Variants in CTNND2 observed in about 807,000 individuals in gnomAD.
CTNND2 encodes catenin delta 2.
CTNND2 carries 22 observed loss-of-function variants against 144.4 expected under a neutral mutation model. That is an observed-to-expected ratio of 0.15 (90% CI 0.11 to 0.22). The LOEUF (loss-of-function observed/expected upper bound fraction) is 0.22. CTNND2 is among the 10% of genes least tolerant of loss of function. The probability of loss-of-function intolerance (pLI) is 1.00; values close to 1 mark genes in which losing one functional copy is unlikely to be tolerated. For missense variants in CTNND2, 1,353 were observed against 1,618.8 expected, an observed-to-expected ratio of 0.84 and a Z score of 2.82; for synonymous variants, 751 against 695.6, an observed-to-expected ratio of 1.08 and a Z score of -1.25.
intron 3 of CTNND2, among the ~76,000 whole-genome samples, chr5:11,485,374 T>TGTGTGTGC (rs1191824518): frequency 1.6e-4 from 22 of 140,616 alleles, no homozygotes; most frequent in African/African-American, 4.4e-4. Flanking sequence ...TGTGTGTGTG[T>TGTGTGTGC]GCGCGCGCGC....
rs376821573 is a variant in CTNND2 at position 11,686,714 on chromosome 5, C to T, written c.174+45422G>A. On this transcript the variant is annotated intron_variant, in intron 2 of 21. Coordinates refer to ENST00000304623, the MANE Select transcript of CTNND2 (RefSeq NM_001332.4). ...ATATACTTTATTAATGGAAGTAATGCATATATAATTTTTTAACATCATGTT... is the reference window on the plus strand; with the variant it reads ...ATATACTTTATTAATGGAAGTAATGTATATATAATTTTTTAACATCATGTT... 2.7e-5 allele frequency among the ~76,000 whole-genome samples: 4 copies of T among 149,826 alleles called. No individual in the cohort carries two copies. The East Asian group carries it at 7.8e-4, about 29-fold the overall frequency.
At chr5:11,659,435 A>G (rs545493254) in intron 2 of CTNND2, among the ~76,000 whole-genome samples, 1 of 152,136 alleles carries the variant, frequency 6.6e-6, no homozygotes, top group Non-Finnish European at 1.5e-5. Flanking sequence ...TAACTCCTAT[A>G]GAAGAATAAG....
chr5:11,376,041 C>T (rs1207032082), intron 7 of CTNND2, among the ~76,000 whole-genome samples: 2 of 151,904 alleles, frequency 1.3e-5, no homozygotes, highest in Admixed American at 6.6e-5. Context: ...CCCTTACACC[C>T]GAGAGAGCAA....
intron 18 of CTNND2, among the ~76,000 whole-genome samples, chr5:11,011,777 C>T (rs1741115827): frequency 6.6e-6 from 1 of 152,158 alleles, no homozygotes; most frequent in South Asian, 2.1e-4. Flanking sequence ...AGCATCCCCT[C>T]CATTCTGATC....
intron 3 of CTNND2, among the ~76,000 whole-genome samples, chr5:11,564,093 T>C (rs1776888460): frequency 6.6e-6 from 1 of 152,066 alleles, no homozygotes. Context: ...AGGGCGTGAG[T>C]CACTATATGG....
At position 10,973,539 on chromosome 5, in the gene CTNND2, C is replaced by T. The variant is rs1397200088; in HGVS notation, c.3592G>A (p.Val1198Ile). 6 of 1,613,904 alleles carry T rather than the reference C, an allele frequency of 3.7e-6. No individual in the cohort carries two copies. Among genetic ancestry groups the T allele is most frequent in the Non-Finnish European group, 4.2e-6 (5 of 1,179,970 alleles). Residue 1198 changes from valine (V) to isoleucine (I), a missense_variant, in exon 22 of 22, where the codon GTT becomes ATT. Coordinates refer to ENST00000304623, the MANE Select transcript of CTNND2 (RefSeq NM_001332.4). This position sits in a 1 kb window ranked among gnomAD's most constrained non-coding sequence, Gnocchi z 5.6. ...GGACGGGCAGCTGAGTAGAAGTCAA[C>T]GTAGTTGCCGGTGGACTTGAGACCC... Reference protein sequence around the residue: ...HLGLKSTGNYVDFYSAARPYS... With the variant: ...HLGLKSTGNYIDFYSAARPYS...
intron 2 of CTNND2, among the ~76,000 whole-genome samples, chr5:11,569,393 T>C (rs919170608): frequency 2.0e-4 from 30 of 152,210 alleles, no homozygotes; most frequent in African/African-American, 2.7e-4. Flanking sequence ...GGTTTCATCC[T>C]AGAATAGCAC....
At chr5:11,256,608 G>T (rs1744278719) in intron 9 of CTNND2, among the ~76,000 whole-genome samples, 3 of 152,188 alleles carry the variant, frequency 2.0e-5, no homozygotes, top group Admixed American at 1.3e-4. Context: ...GACAGAAAGA[G>T]TATATATGCA....
chr5:11,843,639 A>G (rs1037808366), intron 1 of CTNND2, among the ~76,000 whole-genome samples: 2 of 152,228 alleles, frequency 1.3e-5, no homozygotes, highest in African/African-American at 4.8e-5. Context: ...ATAATACTCA[A>G]GAAAATATCT....
intron 11 of CTNND2, among the ~76,000 whole-genome samples, chr5:11,173,009 C>T (rs998639132): frequency 3.9e-5 from 6 of 152,108 alleles, no homozygotes; most frequent in South Asian, 4.2e-4. Flanking sequence ...GTCTGGATGG[C>T]GAAACTGATG....
intron 2 of CTNND2, among the ~76,000 whole-genome samples, chr5:11,672,387 C>T (rs115753274): frequency 0.01 from 1,582 of 152,304 alleles, 15 homozygotes; most frequent in Non-Finnish European, 0.016. Context: ...CCTGTAGCCA[C>T]CCCTTCCCCC....
At chr5:11,720,523 C>T (rs1463840461) in intron 2 of CTNND2, among the ~76,000 whole-genome samples, 4 of 152,114 alleles carry the variant, frequency 2.6e-5, no homozygotes, top group Non-Finnish European at 4.4e-5. Flanking sequence ...AAGACAGCTC[C>T]TACAGCCCCC....
chr5:11,307,963 A>G (rs1000643899), intron 9 of CTNND2, among the ~76,000 whole-genome samples: 1 of 152,176 alleles, frequency 6.6e-6, no homozygotes. Flanking sequence ...CAGATCCGAG[A>G]GAGTTAGCCA....
In CTNND2 at chr5:11,740,160, T is replaced by G. The variant is rs537632782; in HGVS notation, c.38-7888A>C. Among the ~76,000 whole-genome samples the G allele has an allele frequency of 4.6e-5, 7 of 152,232 alleles. No individual in the cohort carries two copies. In the South Asian group the frequency reaches 6.2e-4, roughly 14 times the overall value. On this transcript the variant is annotated intron_variant, in intron 1 of 21. Coordinates refer to ENST00000304623, the MANE Select transcript of CTNND2 (RefSeq NM_001332.4). Reference sequence around the variant, plus strand: ...ATGCCCTCCCCATCAAGCTACCAATTACTTTCTTCACAGAATTGGAAAAAA... The same window carrying G: ...ATGCCCTCCCCATCAAGCTACCAATGACTTTCTTCACAGAATTGGAAAAAA...
chr5:11,386,692 T>G (rs1439208733), intron 6 of CTNND2, among the ~76,000 whole-genome samples: 3 of 152,232 alleles, frequency 2.0e-5, no homozygotes, highest in Non-Finnish European at 1.5e-5. Flanking sequence ...ATAAAGCAAT[T>G]ATTTTAATGT....
intron 9 of CTNND2, among the ~76,000 whole-genome samples, chr5:11,255,232 G>GA (rs1215613537): frequency 2.0e-5 from 3 of 151,878 alleles, no homozygotes; most frequent in Admixed American, 6.6e-5. Flanking sequence ...AATTCCTGGG[G>GA]AAAAAAAACT....
At chr5:11,435,506 G>T (rs1385870359) in intron 3 of CTNND2, among the ~76,000 whole-genome samples, 1 of 152,114 alleles carries the variant, frequency 6.6e-6, no homozygotes, top group Non-Finnish European at 1.5e-5. Context: ...GGTCTCTACT[G>T]TAGTTACTGA....
chr5:11,104,464 C>T (rs1050162000), intron 14 of CTNND2, among the ~76,000 whole-genome samples: 1 of 152,146 alleles, frequency 6.6e-6, no homozygotes, highest in Non-Finnish European at 1.5e-5. Context: ...AGTCCATCCA[C>T]CGTCTGCCAC....
chr5:11,122,826 C>T (rs1461854515), intron 12 of CTNND2, among the ~76,000 whole-genome samples: 1 of 152,036 alleles, frequency 6.6e-6, no homozygotes, highest in Non-Finnish European at 1.5e-5. Context: ...AATGAAGTCA[C>T]ATACTTAGTA....
Sources: gnomAD v4.1 joint callset for allele counts (sites outside exome capture counted in the v4.1 genomes callset) on GRCh38, gnomAD v4.1.1 for gene constraint, Gnocchi (gnomAD v3.1) non-coding constraint, MANE v1.5 for transcripts, NCBI Gene and HGNC (gene_info 2026-07-23, HGNC 2026-07-21) for gene names.